The following RORA variants were observed in gnomAD, a reference collection of about 807,000 sequenced individuals.
RORA encodes the protein nuclear receptor ROR-alpha.
A neutral mutation model predicts 69.5 loss-of-function variants in RORA; 7 were observed. The ratio of observed to expected loss-of-function variants is 0.10; its 90% confidence interval spans 0.06 to 0.19. The LOEUF (loss-of-function observed/expected upper bound fraction) is 0.19. RORA is among the 10% of genes least tolerant of loss of function. The pLI is 1.00. For missense variants in RORA, 457 were observed against 663.0 expected (o/e 0.69, Z 3.41); for synonymous variants, 261 against 240.8 (o/e 1.08, Z -0.78).
chr15:60,762,374 G>A (rs796989135), intron 1 of RORA, among the ~76,000 whole-genome samples: 3 of 152,154 alleles, frequency 2.0e-5, no homozygotes, highest in African/African-American at 7.2e-5. Flanking sequence ...CAGACACGAA[G>A]GTTATGGTAT....
At chr15:61,073,831 A>G (rs1008752511) in intron 1 of RORA, among the ~76,000 whole-genome samples, 20 of 152,348 alleles carry the variant, frequency 1.3e-4, no homozygotes, top group African/African-American at 4.3e-4. Context: ...TTTCTCCACA[A>G]TGTTTTGGCA....
chr15:61,221,974 TA>T (rs1490508334), intron 1 of RORA, among the ~76,000 whole-genome samples: 2 of 148,038 alleles, frequency 1.4e-5, no homozygotes, highest in East Asian at 4.0e-4. Context: ...AAAAAAAAAC[TA>T]AAAAAATAGT....
At position 60,876,101 on chromosome 15, in the gene RORA, C is replaced by G. The variant is rs550411882; in HGVS notation, c.167-197415G>C. 1.1e-4 allele frequency among the ~76,000 whole-genome samples: 16 copies of G among 152,246 alleles called. No individual in the cohort carries two copies. In the East Asian group the frequency reaches 2.7e-3, roughly 26 times the overall value. ...CAAGGGTTTTATACCACCACACCCT[C>G]CTGAAGTCCCACAGATTTCTACTAT... On this transcript the variant is annotated intron_variant, in intron 1 of 10. Transcript: ENST00000335670.
At chr15:60,515,045 CTGA>C (rs1390107804) in intron 3 of RORA, among the ~76,000 whole-genome samples, 1 of 152,208 alleles carries the variant, frequency 6.6e-6, no homozygotes, top group Non-Finnish European at 1.5e-5. Context: ...TTCTTGGCTT[CTGA>C]TGATCAAAAG....
chr15:60,753,327 G>A (rs981559249), intron 1 of RORA, among the ~76,000 whole-genome samples: 6 of 152,200 alleles, frequency 3.9e-5, no homozygotes, highest in Admixed American at 1.3e-4. Context: ...TCACCCATCC[G>A]TTCATTCTGT....
Position 60,511,435 on chromosome 15 carries a change from A to G in RORA, c.611T>C (p.Ile204Thr), listed in dbSNP as rs186540950. The G allele has an allele frequency of 1.2e-6, 2 of 1,614,144 alleles. No individual in the cohort carries two copies. Among genetic ancestry groups the G allele is most frequent in the East Asian group, 2.2e-5 (1 of 44,872 alleles). Residue 204 changes from isoleucine (I) to threonine (T), a missense_variant, in exon 5 of 11, where the codon ATT becomes ACT. Ile to Thr is a moderately conservative substitution (Grantham distance 89, BLOSUM62 -1). Around this residue, in one of 3 missense-constraint regions of RORA, gnomAD observed 304 missense variants for 447.4 expected, o/e 0.68. Transcript: ENST00000335670. This position sits in a 1 kb window ranked among gnomAD's most constrained non-coding sequence, Gnocchi z 6.4. Reference sequence around the variant, plus strand: ...ACTCCCCTCAGGGGTGTGCCCGTCAATGTAGTTACTGAGGTCGTCGTGAAG... The same window carrying G: ...ACTCCCCTCAGGGGTGTGCCCGTCAGTGTAGTTACTGAGGTCGTCGTGAAG... ...TELHDDLSNY[I>T]DGHTPEGSKA...
intron 2 of RORA, among the ~76,000 whole-genome samples, chr15:60,601,958 T>C (rs2068822258): frequency 6.6e-6 from 1 of 152,200 alleles, no homozygotes; most frequent in South Asian, 2.1e-4. Context: ...TTGTTTGTGT[T>C]AGCTACAGTA....
At chr15:60,605,170 C>T (rs1016297531) in intron 2 of RORA, among the ~76,000 whole-genome samples, 1 of 151,968 alleles carries the variant, frequency 6.6e-6, no homozygotes, top group South Asian at 2.1e-4. Flanking sequence ...GTTCTACACA[C>T]GATATACTAT....
At chr15:61,050,710 T>G (rs1372358744) in intron 1 of RORA, among the ~76,000 whole-genome samples, 1 of 152,220 alleles carries the variant, frequency 6.6e-6, no homozygotes, top group Non-Finnish European at 1.5e-5. Context: ...TACCTTCTCC[T>G]GCGATAAGAG....
chr15:60,585,673 A>G (rs1422882238), intron 2 of RORA, among the ~76,000 whole-genome samples: 4 of 152,358 alleles, frequency 2.6e-5, no homozygotes, highest in African/African-American at 7.2e-5. Flanking sequence ...TGTCATAACA[A>G]TTGTTGACTC....
At chr15:60,941,173 C>G (rs1267256511) in intron 1 of RORA, among the ~76,000 whole-genome samples, 1 of 152,180 alleles carries the variant, frequency 6.6e-6, no homozygotes, top group Non-Finnish European at 1.5e-5. Context: ...ATTACATATA[C>G]CAACCCTGGG....
intron 1 of RORA, among the ~76,000 whole-genome samples, chr15:61,222,900 T>C (rs1216925339): frequency 4.0e-4 from 61 of 152,166 alleles, no homozygotes; most frequent in Non-Finnish European, 1.5e-5. Context: ...CTTCAATATA[T>C]CTATGTAAGA....
intron 1 of RORA, among the ~76,000 whole-genome samples, chr15:61,090,731 A>G (rs1416235085): frequency 6.6e-6 from 1 of 152,174 alleles, no homozygotes; most frequent in East Asian, 1.9e-4. Flanking sequence ...TGTTTAGTTA[A>G]TGAGAATCCC....
chr15:60,513,495 G>C (rs1284913196), intron 4 of RORA, among the ~76,000 whole-genome samples: 1 of 152,206 alleles, frequency 6.6e-6, no homozygotes, highest in East Asian at 1.9e-4. Context: ...TGAAATAAAG[G>C]GACCAGCTCT....
rs574385525 is a variant in RORA, at chr15:61,027,544, A to G, written c.166+201509T>C. On this transcript the variant is annotated intron_variant, in intron 1 of 10. Transcript: ENST00000335670. Reference sequence around the variant, plus strand: ...AAATTAGGAAACTGGGACTCAGGGAAAGTAAATAACATGCTCAACTAATAA... The same window carrying G: ...AAATTAGGAAACTGGGACTCAGGGAGAGTAAATAACATGCTCAACTAATAA... Among the ~76,000 whole-genome samples the G allele has an allele frequency of 2.5e-3, 381 of 152,300 alleles. 1 individual carries two copies. The highest frequency in any genetic ancestry group is 4.4e-3 in the Non-Finnish European group (297 of 68,024).
chr15:60,687,965 A>G (rs1462941180), intron 1 of RORA, among the ~76,000 whole-genome samples: 1 of 152,200 alleles, frequency 6.6e-6, no homozygotes, highest in African/African-American at 2.4e-5. Context: ...CTAAAAGGAG[A>G]GGAAAAAGAT....
chr15:60,845,332 T>C (rs906809108), intron 1 of RORA, among the ~76,000 whole-genome samples: 12 of 152,218 alleles, frequency 7.9e-5, no homozygotes, highest in Non-Finnish European at 1.5e-4. Flanking sequence ...AGGTTCTGAA[T>C]TCTCTGAGCC....
At chr15:60,649,585 T>C (rs2070109536) in intron 2 of RORA, among the ~76,000 whole-genome samples, 1 of 152,192 alleles carries the variant, frequency 6.6e-6, no homozygotes, top group African/African-American at 2.4e-5. Flanking sequence ...TGAAACACAT[T>C]TGCCAGAAAG....
At chr15:60,551,329 C>G (rs1001320274) in intron 2 of RORA, among the ~76,000 whole-genome samples, 5 of 151,882 alleles carry the variant, frequency 3.3e-5, no homozygotes, top group Non-Finnish European at 5.9e-5. Flanking sequence ...CAAGCAGAAG[C>G]CGGTCAGTTT....
Sources: allele counts gnomAD v4.1 joint callset (sites outside exome capture counted in the v4.1 genomes callset), GRCh38; gene constraint gnomAD v4.1.1; regional missense constraint gnomAD v4.1.1; non-coding constraint Gnocchi (gnomAD v3.1); transcripts MANE v1.5; gene names NCBI Gene and HGNC (gene_info 2026-07-23, HGNC 2026-07-21).